PIGU: variants seen among roughly 807,000 people sequenced by gnomAD.
The protein encoded by PIGU is phosphatidylinositol glycan anchor biosynthesis class U, also known as GPI-anchor transamidase component PIGU.
Under a neutral mutation model 49.9 loss-of-function variants are expected in PIGU, and 24 were observed. The ratio of observed to expected loss-of-function variants is 0.48; its 90% CI spans 0.35 to 0.68. The LOEUF (loss-of-function observed/expected upper bound fraction) is 0.68, where lower values mean the gene tolerates loss of function less well. Ranked by LOEUF, PIGU falls within the 30% of genes least tolerant of loss-of-function variation. The pLI, the probability that PIGU is intolerant of heterozygous loss-of-function variation, is 0.01. For missense variants in PIGU, 490 were observed against 532.6 expected (o/e 0.92, Z 0.79); for synonymous variants, 220 against 205.7 (o/e 1.07, Z -0.59).
At chr20:34,676,615 G>A (rs1473456466) in intron 1 of PIGU, among the ~76,000 whole-genome samples, 1 of 152,168 alleles carries the variant, frequency 6.6e-6, no homozygotes, top group East Asian at 1.9e-4. Flanking sequence ...TCCTCTGCAA[G>A]CCGCGCTCCA....
intron 1 of PIGU, among the ~76,000 whole-genome samples, chr20:34,675,170 C>T (rs1161888531): frequency 2.0e-5 from 3 of 148,116 alleles, no homozygotes; most frequent in Non-Finnish European, 4.4e-5. Context: ...ATTGCTTGAA[C>T]CCAGGGGGCG....
At chr20:34,637,479 A>G (rs188572942) in intron 5 of PIGU, among the ~76,000 whole-genome samples, 64 of 152,344 alleles carry the variant, frequency 4.2e-4, no homozygotes, top group Middle Eastern at 3.4e-3. Context: ...TATAAGCTAC[A>G]AATGGAGGAC....
At chr20:34,608,143 C>T (rs979649146) in intron 7 of PIGU, among the ~76,000 whole-genome samples, 2 of 147,788 alleles carry the variant, frequency 1.4e-5, no homozygotes, top group East Asian at 4.0e-4. Flanking sequence ...GGTGCGATCT[C>T]GGCTCACTGC....
At chr20:34,616,018 G>C in intron 7 of PIGU, 24 bp downstream of exon 7, 3 of 1,589,954 alleles carry the variant, frequency 1.9e-6, no homozygotes, top group Non-Finnish European at 2.6e-6. Context: ...CTTGGGTGCT[G>C]GCTTCTGACC....
At chr20:34,585,914 T>C (rs1243293220) in intron 8 of PIGU, among the ~76,000 whole-genome samples, 1 of 152,138 alleles carries the variant, frequency 6.6e-6, no homozygotes, top group Non-Finnish European at 1.5e-5. Flanking sequence ...CTGTAACAAA[T>C]GAGTTTTAAA....
At chr20:34,671,996 G>T (rs1216121990) in intron 1 of PIGU, among the ~76,000 whole-genome samples, 1 of 152,012 alleles carries the variant, frequency 6.6e-6, no homozygotes, top group Non-Finnish European at 1.5e-5. Context: ...GCAGTGGCAC[G>T]ATCTCGGCTC....
intron 10 of PIGU, among the ~76,000 whole-genome samples, 168 bp downstream of exon 10, chr20:34,581,380 C>T (rs189123596): frequency 6.6e-6 from 1 of 152,336 alleles, no homozygotes; most frequent in Non-Finnish European, 1.5e-5. Flanking sequence ...TTTATCATCA[C>T]AAGTCCGCGG....
At chr20:34,577,362 T>C (rs1983278086) in intron 10 of PIGU, among the ~76,000 whole-genome samples, 1 of 152,040 alleles carries the variant, frequency 6.6e-6, no homozygotes, top group Non-Finnish European at 1.5e-5. Context: ...GATGCTATAC[T>C]GGGGGCTCAT....
intron 1 of PIGU, among the ~76,000 whole-genome samples, chr20:34,659,619 G>T (rs1332964474): frequency 6.6e-6 from 1 of 152,216 alleles, no homozygotes; most frequent in Non-Finnish European, 1.5e-5. Flanking sequence ...AGGGGGGAAA[G>T]GTGGGGAAAA....
chr20:34,673,781 G>A (rs868432609), intron 1 of PIGU, among the ~76,000 whole-genome samples: 24 of 152,194 alleles, frequency 1.6e-4, no homozygotes, highest in African/African-American at 1.9e-4. Context: ...TTGGCCGGGC[G>A]TGGTGGCTCA....
At chr20:34,572,035 A>G (rs979706795) in intron 11 of PIGU, among the ~76,000 whole-genome samples, 1 of 152,162 alleles carries the variant, frequency 6.6e-6, no homozygotes, top group African/African-American at 2.4e-5. Context: ...CCTGAAGGGC[A>G]GCTTGGAAAT....
intron 6 of PIGU, among the ~76,000 whole-genome samples, chr20:34,620,245 A>G (rs951370786): frequency 6.6e-6 from 1 of 152,068 alleles, no homozygotes; most frequent in Non-Finnish European, 1.5e-5. Flanking sequence ...ACTCTTCCAC[A>G]CACGCCCTGT....
At position 34,677,026 on chromosome 20, in the gene PIGU, G is replaced by A. The variant is rs1267300757; in HGVS notation, c.60C>T (p.Phe20=). 1 of 1,581,838 alleles carries A rather than the reference G, an allele frequency of 6.3e-7. No individual in the cohort carries two copies. The highest frequency in any genetic ancestry group is 1.7e-4 in the Middle Eastern group (1 of 5,896). ...AAATGAACTCGGCCAGACTGGAGCG[G>A]AACAAGGCCGCCCGCACTGTCACAG... ...VVAVTVRAAL[F]RSSLAEFISE... Residue 20 remains phenylalanine, a synonymous_variant, in exon 1 of 12, where the codon TTC becomes TTT. Transcript: ENST00000217446.
chr20:34,633,715 A>C (rs1198380162), intron 6 of PIGU, among the ~76,000 whole-genome samples: 1 of 151,832 alleles, frequency 6.6e-6, no homozygotes, highest in Non-Finnish European at 1.5e-5. Context: ...TTACAGGTGC[A>C]CACCACCACA....
At chr20:34,673,864 C>T (rs1987393881) in intron 1 of PIGU, among the ~76,000 whole-genome samples, 1 of 151,698 alleles carries the variant, frequency 6.6e-6, no homozygotes, top group Non-Finnish European at 1.5e-5. Context: ...ACCAGCCTGG[C>T]TAATATGGTG....
At chr20:34,600,924 T>C (rs1384288453) in intron 7 of PIGU, among the ~76,000 whole-genome samples, 4 of 151,752 alleles carry the variant, frequency 2.6e-5, no homozygotes, top group African/African-American at 9.7e-5. Flanking sequence ...ATCCCAGCTA[T>C]TCGGGAGGCT....
At chr20:34,639,269 C>T (rs1157933526) in intron 4 of PIGU, among the ~76,000 whole-genome samples, 2 of 151,900 alleles carry the variant, frequency 1.3e-5, no homozygotes, top group South Asian at 2.1e-4. Context: ...GGCATGGTGG[C>T]GGGCACCTGT....
At position 34,560,928 on chromosome 20, in the gene PIGU, G is replaced by C; in HGVS notation, c.1246C>G (p.Leu416Val). The C allele has an allele frequency of 6.2e-7, 1 of 1,613,160 alleles. No homozygotes were observed. The highest frequency in any genetic ancestry group is 8.5e-7 in the Non-Finnish European group (1 of 1,179,432). Residue 416 changes from leucine (L) to valine (V), a missense_variant, in exon 12 of 12, where the codon CTC becomes GTC. Physicochemically the swap from Leu to Val is conservative, Grantham distance 32. Coordinates refer to ENST00000217446, the MANE Select transcript of PIGU (RefSeq NM_080476.5). The part of the protein sequence containing the change: ...FYAFLRREYY[L>V]THGLYLTAKD... Reference sequence around the variant, plus strand: ...GCGGTCAAGTAGAGGCCATGTGTGAGGTAGTACTCCCGCCGCAGGAAGGCA... The same window carrying C: ...GCGGTCAAGTAGAGGCCATGTGTGACGTAGTACTCCCGCCGCAGGAAGGCA...
chr20:34,666,516 T>A lies in PIGU; in HGVS notation c.131-9272A>T, dbSNP rs191583735. 3.0e-4 allele frequency among the ~76,000 whole-genome samples: 45 copies of A among 150,836 alleles called. No individual in the cohort carries two copies. In the East Asian group the frequency reaches 7.4e-3, roughly 25 times the overall value. ...AACTAACCCATGAAGCAAGCTTATT[T>A]AATTAATTAATTTATTTATTTATTT... On this transcript the variant is annotated intron_variant, in intron 1 of 11. Coordinates refer to ENST00000217446, the MANE Select transcript of PIGU (RefSeq NM_080476.5).
Sources: gnomAD v4.1 joint callset for allele counts (sites outside exome capture counted in the v4.1 genomes callset) on GRCh38, gnomAD v4.1.1 for gene constraint, MANE v1.5 for transcripts, NCBI Gene and HGNC (gene_info 2026-07-23, HGNC 2026-07-21) for gene names.